FAM13A: variants seen among roughly 807,000 people sequenced by gnomAD.
FAM13A encodes protein FAM13A.
Under a neutral mutation model 129.6 loss-of-function variants are expected in FAM13A, and 76 were observed. The ratio of observed to expected loss-of-function variants is 0.59; its 90% CI spans 0.49 to 0.71. The LOEUF (loss-of-function observed/expected upper bound fraction) is 0.71, where lower values mean the gene tolerates loss of function less well. FAM13A is among the 30% of genes least tolerant of loss of function. FAM13A has a pLI of 0.00. For missense variants in FAM13A, 1,108 were observed against 1,249.3 expected (o/e 0.89, Z 1.70); for synonymous variants, 443 against 449.9 (o/e 0.98, Z 0.20).
At chr4:88,850,037 C>G (rs962425884) in intron 7 of FAM13A, among the ~76,000 whole-genome samples, 1 of 152,112 alleles carries the variant, frequency 6.6e-6, no homozygotes, top group African/African-American at 2.4e-5. Context: ...GCTATGTCTT[C>G]TATAAGGCAA....
chr4:88,988,904 A>T (rs1762588726), intron 4 of FAM13A, among the ~76,000 whole-genome samples: 1 of 152,204 alleles, frequency 6.6e-6, no homozygotes, highest in African/African-American at 2.4e-5. Context: ...ATTATTGTAT[A>T]ACGTTGTACC....
intron 3 of FAM13A, among the ~76,000 whole-genome samples, chr4:89,012,969 C>G (rs1402345622): frequency 6.6e-6 from 1 of 152,068 alleles, no homozygotes; most frequent in African/African-American, 2.4e-5. Context: ...GTAGTCACCC[C>G]TGAGGAAATT....
At chr4:88,881,730 G>T (rs989890553) in intron 6 of FAM13A, among the ~76,000 whole-genome samples, 1 of 151,996 alleles carries the variant, frequency 6.6e-6, no homozygotes, top group Non-Finnish European at 1.5e-5. Flanking sequence ...CAAAAAAAAT[G>T]ATATAACATA....
intron 5 of FAM13A, among the ~76,000 whole-genome samples, chr4:88,923,066 C>G (rs1029809817): frequency 8.5e-5 from 13 of 152,234 alleles, no homozygotes; most frequent in African/African-American, 3.1e-4. Context: ...CAATAGCTTA[C>G]CAACCAAAAA....
chr4:89,050,645 A>C (rs1394165951), intron 1 of FAM13A, among the ~76,000 whole-genome samples: 1 of 151,790 alleles, frequency 6.6e-6, no homozygotes, highest in African/African-American at 2.4e-5. Context: ...ACTAGAACTA[A>C]AGCCAGGTAT....
chr4:88,775,980 G>A (rs1721629562), intron 11 of FAM13A, among the ~76,000 whole-genome samples: 2 of 152,140 alleles, frequency 1.3e-5, no homozygotes, highest in South Asian at 4.1e-4. Flanking sequence ...CTGAAATTCA[G>A]GTATGATTAC....
At chr4:88,741,252 G>T (rs1250345345) in intron 19 of FAM13A, among the ~76,000 whole-genome samples, 2 of 152,150 alleles carry the variant, frequency 1.3e-5, no homozygotes, top group Non-Finnish European at 2.9e-5. Context: ...ACCAGAAATT[G>T]CCCATATGCC....
At chr4:88,776,566 T>A (rs1388867938) in intron 11 of FAM13A, among the ~76,000 whole-genome samples, 1 of 152,350 alleles carries the variant, frequency 6.6e-6, no homozygotes, top group East Asian at 1.9e-4. Flanking sequence ...GACATACAAA[T>A]GTTAATCATC....
intron 11 of FAM13A, among the ~76,000 whole-genome samples, chr4:88,777,020 C>T (rs531151603): frequency 2.0e-5 from 3 of 152,160 alleles, no homozygotes. Context: ...GCACCTAGAA[C>T]AGAGTAAGTA....
At chr4:88,768,987 C>T (rs1720064984) in intron 11 of FAM13A, among the ~76,000 whole-genome samples, 1 of 152,162 alleles carries the variant, frequency 6.6e-6, no homozygotes, top group East Asian at 1.9e-4. Flanking sequence ...AACATAGCTG[C>T]CTTGGAAATT....
At chr4:88,735,855 T>C (rs1031511794) in intron 21 of FAM13A, among the ~76,000 whole-genome samples, 6 of 152,106 alleles carry the variant, frequency 3.9e-5, no homozygotes, top group Admixed American at 3.9e-4. Context: ...AATATACTTG[T>C]GAAAAAAAAT....
rs570098111 is a variant in FAM13A, at chr4:88,949,383, T to C, written c.606-11142A>G. ...TTCCATGCAGATACTATGTCCTTAA[T>C]TGATTTGCAATTAAAAAAATGCTGA... On this transcript the variant is annotated intron_variant, in intron 4 of 23. Coordinates refer to ENST00000264344, the MANE Select transcript of FAM13A (RefSeq NM_014883.4). 6.2e-4 allele frequency among the ~76,000 whole-genome samples: 95 copies of C among 152,264 alleles called. 1 individual carries two copies. Among genetic ancestry groups the C allele is most frequent in the African/African-American group, 2.1e-3 (87 of 41,530 alleles).
intron 6 of FAM13A, among the ~76,000 whole-genome samples, chr4:88,857,512 C>A (rs190141697): frequency 2.8e-4 from 43 of 151,752 alleles, no homozygotes; most frequent in African/African-American, 9.9e-4. Flanking sequence ...GCCTGCAATA[C>A]CAGCTACTCA....
At chr4:88,806,772 A>G (rs1728647923) in intron 7 of FAM13A, among the ~76,000 whole-genome samples, 1 of 152,180 alleles carries the variant, frequency 6.6e-6, no homozygotes, top group Non-Finnish European at 1.5e-5. Flanking sequence ...AAGAGGGGAC[A>G]ACACCTGGGA....
At position 89,056,959 on chromosome 4, in the gene FAM13A, C is replaced by T. The variant is rs1477111611; in HGVS notation, c.6G>A (p.Gly2=). 1.2e-6 allele frequency: 2 copies of T among 1,613,722 alleles called. No homozygotes were observed. The highest frequency in any genetic ancestry group is 1.7e-6 in the Non-Finnish European group (2 of 1,179,808). M[G]AGALAICQSK... ...TTACACAGATGGCTAGAGCTCCTGC[C>T]CCCATTCTCTCAGAAAGCGTCTGGA... The change falls in exon 1 of 24, where the codon GGG becomes GGA. Residue 2 remains glycine (G), a synonymous_variant. Coordinates refer to ENST00000264344, the MANE Select transcript of FAM13A (RefSeq NM_014883.4).
intron 7 of FAM13A, among the ~76,000 whole-genome samples, chr4:88,833,658 G>T (rs1020315386): frequency 1.3e-5 from 2 of 152,080 alleles, no homozygotes; most frequent in African/African-American, 4.8e-5. Context: ...GGCTGAGGCA[G>T]GTGGATCACC....
chr4:88,758,280 G>C (rs972211932), intron 14 of FAM13A, among the ~76,000 whole-genome samples: 1 of 150,896 alleles, frequency 6.6e-6, no homozygotes, highest in African/African-American at 2.4e-5. Flanking sequence ...TTGTTAACCT[G>C]AAAAAAAAAT....
chr4:88,965,697 C>G (rs920994848), intron 4 of FAM13A, among the ~76,000 whole-genome samples: 8 of 152,160 alleles, frequency 5.3e-5, no homozygotes, highest in Non-Finnish European at 1.5e-5. Flanking sequence ...AACTTAAACT[C>G]CATATCCATT....
intron 3 of FAM13A, among the ~76,000 whole-genome samples, chr4:88,994,712 T>C (rs978113368): frequency 6.6e-6 from 1 of 152,054 alleles, no homozygotes; most frequent in East Asian, 1.9e-4. Flanking sequence ...TGGTGGCACA[T>C]GCCTGTAGTC....
Sources: gnomAD v4.1 joint callset for allele counts (sites outside exome capture counted in the v4.1 genomes callset) on GRCh38, gnomAD v4.1.1 for gene constraint, MANE v1.5 for transcripts, NCBI Gene and HGNC (gene_info 2026-07-23, HGNC 2026-07-21) for gene names.